The following FAM120AOS variants were observed in gnomAD, a reference collection of about 807,000 sequenced individuals.
The protein encoded by FAM120AOS is family with sequence similarity 120 member A opposite strand.
In FAM120AOS, 15 loss-of-function variants were observed where a neutral mutation model predicts 20.2. The observed-to-expected ratio is 0.74, with a 90% CI of 0.50 to 1.15. FAM120AOS has a LOEUF of 1.15. Among genes scored for constraint, FAM120AOS ranks in the 50% most tolerant of loss-of-function variants. FAM120AOS has a pLI of 0.00. For missense variants in FAM120AOS, 327 were observed against 351.9 expected (o/e 0.93, Z 0.57); for synonymous variants, 154 against 154.0 (o/e 1.00, Z 0.00).
rs1213426190 is a variant in FAM120AOS at position 93,453,286 on chromosome 9, C to T, written c.-577G>A. On this transcript the variant is annotated 5_prime_UTR_variant, in exon 1 of 3. Coordinates refer to ENST00000375412, the MANE Select transcript of FAM120AOS (RefSeq NM_198841.4). ...CTCTATATCACCGGCCTCCTCTGGCCCTTTGGCAGAGGGCTTCGCAGCTGG... is the reference window on the plus strand; with the variant it reads ...CTCTATATCACCGGCCTCCTCTGGCTCTTTGGCAGAGGGCTTCGCAGCTGG... 4.1e-6 allele frequency: 4 copies of T among 987,220 alleles called. No individual in the cohort carries two copies. Among genetic ancestry groups the T allele is most frequent in the Non-Finnish European group, 4.8e-6 (4 of 831,310 alleles). 61.2% of individuals were successfully genotyped at this position (987,220 alleles called of 1,614,324 possible).
Position 93,445,424 on chromosome 9 carries a change from ACT to A in FAM120AOS, c.*2185_*2186del, listed in dbSNP as rs1217154124. Among the ~76,000 whole-genome samples, 1 of 151,756 alleles carries A rather than the reference ACT, an allele frequency of 6.6e-6. No homozygotes were observed. The highest frequency in any genetic ancestry group is 1.9e-4 in the East Asian group (1 of 5,184). ...TTAGTACCTAAGTTTGGTCCATTCT[ACT>A]CTTTTTCATGACTTTGAATCTTGAG... is the stretch of plus-strand genomic sequence containing the variant. On this transcript the variant is annotated 3_prime_UTR_variant, in exon 3 of 3. Coordinates refer to ENST00000375412, the MANE Select transcript of FAM120AOS (RefSeq NM_198841.4).
rs575707686 is a variant in FAM120AOS, at chr9:93,445,522, C to T, written c.*2089G>A. On this transcript the variant is annotated 3_prime_UTR_variant, in exon 3 of 3. Coordinates refer to ENST00000375412, the MANE Select transcript of FAM120AOS (RefSeq NM_198841.4). ...ATCCCAGCTGTATTGTTAAAAGTACCTGTCATTCTTAGTTCCCACCCAGTC... is the reference window on the plus strand; with the variant it reads ...ATCCCAGCTGTATTGTTAAAAGTACTTGTCATTCTTAGTTCCCACCCAGTC... 6.6e-6 allele frequency among the ~76,000 whole-genome samples: 1 copy of T among 151,544 alleles called. No homozygotes were observed. The highest frequency in any genetic ancestry group is 2.4e-5 in the African/African-American group (1 of 41,254).
chr9:93,452,655 A>G lies in FAM120AOS; in HGVS notation c.55T>C (p.Ser19Pro). 1 of 1,598,998 alleles carries G rather than the reference A, an allele frequency of 6.3e-7. No homozygotes were observed. Among genetic ancestry groups the G allele is most frequent in the Non-Finnish European group, 8.5e-7 (1 of 1,179,912 alleles). ...CTTGAGGGCTGGGAGAGAGCCCCGG[A>G]CCAGAATTCGGAGGCGACAGTGTCA... ...DDDTVASEFW[S>P]GALSQPSSVP... The change falls in exon 1 of 3, where the codon TCC becomes CCC. Residue 19 changes from serine to proline, a missense_variant. Ser to Pro is a moderately conservative substitution (Grantham distance 74, BLOSUM62 -1). This residue lies in a region of FAM120AOS where 155 missense variants were observed against 128.8 expected (regional missense o/e 1.20). Coordinates refer to ENST00000375412, the MANE Select transcript of FAM120AOS (RefSeq NM_198841.4). This position sits in a 1 kb window ranked among gnomAD's most constrained non-coding sequence, Gnocchi z 7.0.
chr9:93,443,424 C>A lies in FAM120AOS; in HGVS notation c.*4187G>T, dbSNP rs1467359847. Among the ~76,000 whole-genome samples the A allele has an allele frequency of 1.3e-5, 2 of 152,178 alleles. No individual in the cohort carries two copies. The highest frequency in any genetic ancestry group is 6.5e-5 in the Admixed American group (1 of 15,278). ...AATTTTCAAAAGACAGGAAAAAAAT[C>A]ACAATTTTACCCATTAATGATTATG... is the stretch of plus-strand genomic sequence containing the variant. On this transcript the variant is annotated 3_prime_UTR_variant, in exon 3 of 3. Transcript: ENST00000375412.
At chr9:93,451,863 C>A (rs954477807) in intron 1 of FAM120AOS, 5 of 1,054,022 alleles carry the variant, frequency 4.7e-6, no homozygotes, top group Non-Finnish European at 5.7e-6. Context: ...GCCCCACCAC[C>A]CCCGGCCCCG....
chr9:93,452,714 T>C lies in FAM120AOS; in HGVS notation c.-5A>G. On this transcript the variant is annotated 5_prime_UTR_variant, in exon 1 of 3. Transcript: ENST00000375412. This position sits in a 1 kb window ranked among gnomAD's most constrained non-coding sequence, Gnocchi z 7.0. ...AATATCCTTAGTTTTTCCCATCCTA[T>C]TTGAGGCGGGCAGGCTATCACTCAC... The C allele has an allele frequency of 6.3e-7, 1 of 1,598,464 alleles. No homozygotes were observed. Among genetic ancestry groups the C allele is most frequent in the Middle Eastern group, 1.7e-4 (1 of 6,060 alleles).
chr9:93,452,010 T>TGGGCGGC lies in FAM120AOS; in HGVS notation c.563+130_563+136dup. 1 of 1,554,814 alleles carries TGGGCGGC rather than the reference T, an allele frequency of 6.4e-7. No homozygotes were observed. Among genetic ancestry groups the TGGGCGGC allele is most frequent in the Non-Finnish European group, 8.7e-7 (1 of 1,150,684 alleles). ...CAGAAGCTGGCCCGGGGCAGCCTGG[T>TGGGCGGC]GGGCGGCGGGCGGCAGCGGCCCCCG... On this transcript the variant is annotated intron_variant, in intron 1 of 2. Transcript: ENST00000375412. This position sits in a 1 kb window ranked among gnomAD's most constrained non-coding sequence, Gnocchi z 7.0.
chr9:93,450,839 T>G (rs1460280538), intron 1 of FAM120AOS: 8 of 903,896 alleles, frequency 8.9e-6, no homozygotes, highest in Non-Finnish European at 1.3e-5. Flanking sequence ...GCAACAAGAT[T>G]CAAATCCCTC....
chr9:93,447,445 G>T lies in FAM120AOS; in HGVS notation c.*166C>A. On this transcript the variant is annotated 3_prime_UTR_variant, in exon 3 of 3. Coordinates refer to ENST00000375412, the MANE Select transcript of FAM120AOS (RefSeq NM_198841.4). ...TTCACATTCAGATGTGTTAATAAAA[G>T]TGGATAAAGACCACTCTAGCTTTAA... 1 of 631,750 alleles carries T rather than the reference G, an allele frequency of 1.6e-6. No individual in the cohort carries two copies. The highest frequency in any genetic ancestry group is 2.8e-6 in the Non-Finnish European group (1 of 355,448). The allele number at this position is 631,750 out of a possible 1,614,324, so 39.1% of individuals were successfully genotyped here.
At chr9:93,451,826 C>CG in intron 1 of FAM120AOS, 1 of 968,136 alleles carries the variant, frequency 1.0e-6, no homozygotes, top group Non-Finnish European at 1.2e-6. Context: ...CCGCCGCCCC[C>CG]GCCCGCCAGC....
rs1856839897 is a variant in FAM120AOS at position 93,446,169 on chromosome 9, C to T, written c.*1442G>A. 6.6e-6 allele frequency among the ~76,000 whole-genome samples: 1 copy of T among 152,150 alleles called. No homozygotes were observed. The highest frequency in any genetic ancestry group is 6.5e-5 in the Admixed American group (1 of 15,280). On this transcript the variant is annotated 3_prime_UTR_variant, in exon 3 of 3. Coordinates refer to ENST00000375412, the MANE Select transcript of FAM120AOS (RefSeq NM_198841.4). The stretch of plus-strand genomic sequence containing the variant: ...GCACTTTCATTCTTCCTGGAGCTCT[C>T]GTCAACCCTGACCTCTTCCTTTGTC...
At chr9:93,449,492 ATTTTTTTTT>A (rs10667664) in intron 2 of FAM120AOS, among the ~76,000 whole-genome samples, 3 of 109,534 alleles carry the variant, frequency 2.7e-5, no homozygotes, top group Non-Finnish European at 5.1e-5. Flanking sequence ...TGGCACTGGC[ATTTTTTTTT>A]TTTTTTTTTT....
rs1338266021 is a variant in FAM120AOS at position 93,445,864 on chromosome 9, A to G, written c.*1747T>C. Among the ~76,000 whole-genome samples the G allele has an allele frequency of 6.6e-6, 1 of 152,154 alleles. No homozygotes were observed. The highest frequency in any genetic ancestry group is 1.5e-5 in the Non-Finnish European group (1 of 68,022). The stretch of plus-strand genomic sequence containing the variant: ...GACATGTAACTGATTTTAAAATATT[A>G]TATAGTGCTTCCTAGTTTAACCAAA... On this transcript the variant is annotated 3_prime_UTR_variant, in exon 3 of 3. Transcript: ENST00000375412.
rs902689830 is a variant in FAM120AOS at position 93,443,769 on chromosome 9, C to G, written c.*3842G>C. 2.0e-5 allele frequency among the ~76,000 whole-genome samples: 3 copies of G among 152,146 alleles called. No individual in the cohort carries two copies. The highest frequency in any genetic ancestry group is 7.2e-5 in the African/African-American group (3 of 41,418). On this transcript the variant is annotated 3_prime_UTR_variant, in exon 3 of 3. Coordinates refer to ENST00000375412, the MANE Select transcript of FAM120AOS (RefSeq NM_198841.4). ...GTACAGAATTAGAGAATCCTCTTTTCAGGTCTTTGCTCTTCAGGATTTCCC... is the reference window on the plus strand; with the variant it reads ...GTACAGAATTAGAGAATCCTCTTTTGAGGTCTTTGCTCTTCAGGATTTCCC...
chr9:93,450,641 G>A (rs1477063953), intron 1 of FAM120AOS, 42 bp from the exon 2 acceptor site: 8 of 1,608,142 alleles, frequency 5.0e-6, no homozygotes, highest in Non-Finnish European at 6.8e-6. Context: ...GTAAGTAAAA[G>A]CGGCACTTTA....
intron 1 of FAM120AOS, chr9:93,450,931 A>G: frequency 7.9e-7 from 1 of 1,271,830 alleles, no homozygotes; most frequent in Non-Finnish European, 1.1e-6. Context: ...AGGCTTTCCC[A>G]CGCTGCAACA....
In FAM120AOS at chr9:93,452,827, G is replaced by A. The variant is rs956635357; in HGVS notation, c.-118C>T. The A allele has an allele frequency of 1.4e-5, 21 of 1,548,286 alleles. No homozygotes were observed. In the Admixed American group the frequency reaches 1.9e-4, roughly 14 times the overall value. On this transcript the variant is annotated 5_prime_UTR_variant, in exon 1 of 3. Coordinates refer to ENST00000375412, the MANE Select transcript of FAM120AOS (RefSeq NM_198841.4). This position sits in a 1 kb window ranked among gnomAD's most constrained non-coding sequence, Gnocchi z 7.0. Reference sequence around the variant, plus strand: ...ATCTTGGAAGCAGGCAGGATACAGAGTAATAGAGGGGGTTTCGCCAGAGCC... The same window carrying A: ...ATCTTGGAAGCAGGCAGGATACAGAATAATAGAGGGGGTTTCGCCAGAGCC...
intron 1 of FAM120AOS, chr9:93,451,527 C>A (rs905766752): frequency 1.0e-6 from 1 of 992,254 alleles, no homozygotes; most frequent in Non-Finnish European, 1.2e-6. Flanking sequence ...TCCGGGCCTC[C>A]GCCTCCGCCG....
rs1856818609 is a variant in FAM120AOS at position 93,445,580 on chromosome 9, GTTGTTTT to G, written c.*2024_*2030del. Among the ~76,000 whole-genome samples, 2 of 106,350 alleles carry G rather than the reference GTTGTTTT, an allele frequency of 1.9e-5. No homozygotes were observed. The highest frequency in any genetic ancestry group is 7.1e-5 in the African/African-American group (2 of 28,154). 69.8% of individuals were successfully genotyped at this position (106,350 alleles called of 152,430 possible). ...TGGTTCTCCAACTTTCATAAAAATC[GTTGTTTT>G]TTTTTTTTTTTTTTTTTTTTGAGAC... On this transcript the variant is annotated 3_prime_UTR_variant, in exon 3 of 3. Transcript: ENST00000375412.
Sources: gnomAD v4.1 joint callset for allele counts (sites outside exome capture counted in the v4.1 genomes callset) on GRCh38, gnomAD v4.1.1 for gene constraint, gnomAD v4.1.1 regional missense constraint, Gnocchi (gnomAD v3.1) non-coding constraint, MANE v1.5 for transcripts, NCBI Gene and HGNC (gene_info 2026-07-23, HGNC 2026-07-21) for gene names.